BEND3: variants seen among roughly 807,000 people sequenced by gnomAD.
The protein encoded by BEND3 is BEN domain-containing protein 3.
Under a neutral mutation model 60.1 loss-of-function variants are expected in BEND3, and 13 were observed. The ratio of observed to expected loss-of-function variants is 0.22; its 90% CI spans 0.14 to 0.34. BEND3 has a LOEUF of 0.34. Among genes scored for constraint, BEND3 ranks in the 10% least tolerant of loss-of-function variants. The pLI, the probability that BEND3 is intolerant of heterozygous loss-of-function variation, is 1.00. For missense variants in BEND3, 896 were observed against 1,138.1 expected (o/e 0.79, Z 3.06); for synonymous variants, 497 against 491.5 (o/e 1.01, Z -0.15).
chr6:107,072,339 C>T (rs1775000445), intron 3 of BEND3, among the ~76,000 whole-genome samples: 1 of 152,164 alleles, frequency 6.6e-6, no homozygotes, highest in Non-Finnish European at 1.5e-5. Flanking sequence ...AGAGTGTGAA[C>T]CCTGGGCCTG....
intron 3 of BEND3, among the ~76,000 whole-genome samples, chr6:107,071,576 A>G (rs1265458833): frequency 6.6e-6 from 1 of 152,210 alleles, no homozygotes; most frequent in Admixed American, 6.5e-5. Flanking sequence ...ATCTTAGACC[A>G]GAAAAAGCCG....
Position 107,098,675 on chromosome 6 carries a change from G to C in BEND3, c.116C>G (p.Ser39Cys). 1 of 1,614,128 alleles carries C rather than the reference G, an allele frequency of 6.2e-7. No individual in the cohort carries two copies. Among genetic ancestry groups the C allele is most frequent in the African/African-American group, 1.3e-5 (1 of 75,046 alleles). ...GACGCTGTCCACAGAGTGCTTCTCA[G>C]AAGTCCTGGAATTCACGGAGCAGTC... ...ALDCSVNSRT[S>C]EKHSVDSVLT... Residue 39 changes from serine (S) to cysteine (C), a missense_variant, in exon 3 of 4, where the codon TCT (serine) becomes TGT (cysteine). Transcript: ENST00000369042.
At chr6:107,111,446 G>C (rs1411709078) in intron 1 of BEND3, among the ~76,000 whole-genome samples, 1 of 151,326 alleles carries the variant, frequency 6.6e-6, no homozygotes, top group Non-Finnish European at 1.5e-5. Context: ...AGGAGGCGTA[G>C]GATGCACTGA....
chr6:107,081,105 G>A (rs782637850), intron 3 of BEND3, among the ~76,000 whole-genome samples: 6 of 151,900 alleles, frequency 3.9e-5, no homozygotes, highest in Non-Finnish European at 4.4e-5. Context: ...TGGGGGTTTC[G>A]CCATGTTGGC....
chr6:107,071,097 C>A, intron 3 of BEND3, 147 bp from the exon 4 acceptor site: 2 of 743,612 alleles, frequency 2.7e-6, no homozygotes, highest in Non-Finnish European at 4.2e-6. Flanking sequence ...CTCTGTCATC[C>A]AAGGATGCAC....
intron 3 of BEND3, among the ~76,000 whole-genome samples, chr6:107,097,307 C>T (rs180897676): frequency 6.6e-5 from 10 of 151,008 alleles, no homozygotes; most frequent in South Asian, 2.1e-4. Context: ...GCGGAGGTTG[C>T]GGTAAGCCAA....
At chr6:107,075,252 A>C (rs578078960) in intron 3 of BEND3, among the ~76,000 whole-genome samples, 1 of 152,222 alleles carries the variant, frequency 6.6e-6, no homozygotes, top group South Asian at 2.1e-4. Flanking sequence ...ATAAATAAAG[A>C]GGGAGGGAAG....
chr6:107,111,793 C>A (rs1387787238), intron 1 of BEND3, among the ~76,000 whole-genome samples: 13 of 151,894 alleles, frequency 8.6e-5, no homozygotes, highest in African/African-American at 2.4e-4. Flanking sequence ...ACCAACCTGG[C>A]CAATAAGGTG....
intron 3 of BEND3, among the ~76,000 whole-genome samples, chr6:107,084,957 T>G (rs976787267): frequency 2.6e-4 from 39 of 152,212 alleles, no homozygotes; most frequent in Non-Finnish European, 1.0e-4. Context: ...TGTGGAAGCT[T>G]TGTTCTCTCG....
intron 3 of BEND3, among the ~76,000 whole-genome samples, chr6:107,074,778 T>G (rs1195869612): frequency 1.3e-5 from 2 of 152,094 alleles, no homozygotes; most frequent in East Asian, 3.9e-4. Flanking sequence ...AATTGTGGGA[T>G]AGTAGATGAT....
rs184689092 is a variant in BEND3 at position 107,111,580 on chromosome 6, T to C, written c.-12+3510A>G. On this transcript the variant is annotated intron_variant, in intron 1 of 3. Coordinates refer to ENST00000369042, the MANE Select transcript of BEND3 (RefSeq NM_001367314.1). ...CACCCCTAAAAAGATACAGAATAGG[T>C]TTCCCATTCCAAAGAGTAATTCTAC... 5.3e-3 allele frequency among the ~76,000 whole-genome samples: 810 copies of C among 152,010 alleles called. 11 individuals carry two copies. The highest frequency in any genetic ancestry group is 0.018 in the African/African-American group (757 of 41,450).
intron 1 of BEND3, among the ~76,000 whole-genome samples, chr6:107,105,498 T>C (rs534101820): frequency 2.0e-5 from 3 of 152,230 alleles, no homozygotes; most frequent in Non-Finnish European, 4.4e-5. Flanking sequence ...GGACATTCTC[T>C]AGTGAACCCA....
At chr6:107,099,595 T>C (rs1015978472) in intron 1 of BEND3, among the ~76,000 whole-genome samples, 1 of 152,174 alleles carries the variant, frequency 6.6e-6, no homozygotes, top group Non-Finnish European at 1.5e-5. Flanking sequence ...AATCAACTCT[T>C]AAAAAAGACC....
At position 107,115,171 on chromosome 6, in the gene BEND3, G is replaced by A. The variant is rs1554239130; in HGVS notation, c.-93C>T. 1.3e-5 allele frequency: 2 copies of A among 150,320 alleles called. No homozygotes were observed. Among genetic ancestry groups the A allele is most frequent in the East Asian group, 3.9e-4 (2 of 5,090 alleles). 9.3% of individuals were successfully genotyped at this position (150,320 alleles called of 1,614,324 possible). A position where few individuals can be genotyped will look rare whatever the true frequency, so the allele number is the denominator to read the frequency against. On this transcript the variant is annotated 5_prime_UTR_variant, in exon 1 of 4. Coordinates refer to ENST00000369042, the MANE Select transcript of BEND3 (RefSeq NM_001367314.1). ...GTGGGGGGGAGGGCGCGGGGCCGGG[G>A]AGTGGGGGCCGCGCGCGGAGGGCCT...
chr6:107,096,567 T>C (rs1775589902), intron 3 of BEND3, among the ~76,000 whole-genome samples: 1 of 152,086 alleles, frequency 6.6e-6, no homozygotes, highest in Non-Finnish European at 1.5e-5. Context: ...GCTGAGCTCA[T>C]GACACTGCAC....
chr6:107,098,839 T>A, intron 2 of BEND3, 86 bp from the exon 3 acceptor site: 1 of 1,162,826 alleles, frequency 8.6e-7, no homozygotes, highest in Non-Finnish European at 1.3e-6. Flanking sequence ...AGGGTGTCTG[T>A]GGGCCGCCCT....
chr6:107,074,739 A>C (rs896617765), intron 3 of BEND3, among the ~76,000 whole-genome samples: 8 of 152,218 alleles, frequency 5.3e-5, no homozygotes, highest in Non-Finnish European at 1.0e-4. Context: ...GAGATAGCTG[A>C]AAACCTTTAC....
intron 3 of BEND3, among the ~76,000 whole-genome samples, chr6:107,091,558 GGAAA>G: frequency 6.6e-6 from 1 of 152,188 alleles, no homozygotes; most frequent in East Asian, 1.9e-4. Context: ...ATAACCTAGA[GGAAA>G]GAGACTAATT....
chr6:107,084,238 A>G (rs149767955), intron 3 of BEND3, among the ~76,000 whole-genome samples: 15 of 152,356 alleles, frequency 9.8e-5, no homozygotes, highest in African/African-American at 3.4e-4. Flanking sequence ...CTGAACTGCA[A>G]CTGAGGAATT....
Sources: allele counts gnomAD v4.1 joint callset (sites outside exome capture counted in the v4.1 genomes callset), GRCh38; gene constraint gnomAD v4.1.1; transcripts MANE v1.5; gene names NCBI Gene and HGNC (gene_info 2026-07-23, HGNC 2026-07-21).